Variants in LYPD6 observed in about 807,000 individuals in gnomAD.
LYPD6 encodes the protein LY6/PLAUR domain containing 6.
LYPD6 carries 15 observed loss-of-function variants against 22.7 expected under a neutral mutation model. That is an observed-to-expected ratio of 0.66 (90% CI 0.44 to 1.02). The LOEUF (loss-of-function observed/expected upper bound fraction) is 1.02, where lower values mean the gene tolerates loss of function less well. LYPD6 is among the 50% of genes least tolerant of loss of function. The pLI is 0.00. For synonymous variants in LYPD6, 72 were observed against 77.5 expected, an observed-to-expected ratio of 0.93 and a Z score of 0.37; for missense variants, 189 against 208.4, an observed-to-expected ratio of 0.91 and a Z score of 0.57.
downstream of LYPD6, among the ~76,000 whole-genome samples, chr2:149,475,797 C>G (rs1288976079): frequency 2.0e-5 from 3 of 152,136 alleles, no homozygotes; most frequent in South Asian, 6.2e-4. Flanking sequence ...TACCTTGCTT[C>G]GGTTAATCAG....
At chr2:149,404,781 G>C (rs1416806336) in intron 1 of LYPD6, among the ~76,000 whole-genome samples, 2 of 152,192 alleles carry the variant, frequency 1.3e-5, no homozygotes. Context: ...TTGAATAGGA[G>C]TGGTGAGAGA....
intron 1 of LYPD6, among the ~76,000 whole-genome samples, chr2:149,377,657 A>G (rs147344753): frequency 1.1e-4 from 17 of 152,220 alleles, no homozygotes; most frequent in African/African-American, 3.4e-4. Flanking sequence ...GCACACACCT[A>G]TAGTTCCAGC....
the LYPD6 span, among the ~76,000 whole-genome samples, chr2:149,481,876 A>G: frequency 1.3e-5 from 2 of 152,232 alleles, no homozygotes; most frequent in African/African-American, 4.8e-5. Flanking sequence ...CATAAATATA[A>G]TAAATGGTTA....
chr2:149,468,837 G>T, intron 4 of LYPD6, 62 bp downstream of exon 4: 3 of 1,573,586 alleles, frequency 1.9e-6, no homozygotes, highest in Non-Finnish European at 1.7e-6. Context: ...TCAGACATCT[G>T]CCAGTACTCA....
chr2:149,412,080 C>T (rs1573785718), intron 1 of LYPD6, among the ~76,000 whole-genome samples: 1 of 152,080 alleles, frequency 6.6e-6, no homozygotes, highest in Non-Finnish European at 1.5e-5. Context: ...TCTTGACACA[C>T]TTTTGAAATT....
chr2:149,419,547 G>A (rs1683034226), intron 1 of LYPD6, among the ~76,000 whole-genome samples: 1 of 152,194 alleles, frequency 6.6e-6, no homozygotes, highest in African/African-American at 2.4e-5. Flanking sequence ...AAATCGGACA[G>A]CATTGACATA....
chr2:149,383,391 G>A (rs1351060646), intron 1 of LYPD6, among the ~76,000 whole-genome samples: 7 of 152,090 alleles, frequency 4.6e-5, no homozygotes, highest in East Asian at 1.9e-4. Flanking sequence ...GGGGGGTAGG[G>A]TGATTGCTTT....
At chr2:149,468,562 A>G (rs1364042874) in intron 3 of LYPD6, 83 bp from the exon 4 acceptor site, 7 of 1,477,482 alleles carry the variant, frequency 4.7e-6, no homozygotes, top group Admixed American at 1.8e-5. Context: ...TTCTGGAATG[A>G]TAATGCTGAC....
At chr2:149,362,502 G>C (rs1681590958) in intron 1 of LYPD6, among the ~76,000 whole-genome samples, 2 of 152,154 alleles carry the variant, frequency 1.3e-5, no homozygotes, top group African/African-American at 4.8e-5. Context: ...TGTTTGTTCA[G>C]ATTCTGCCCA....
intron 1 of LYPD6, among the ~76,000 whole-genome samples, chr2:149,393,464 A>G (rs536417380): frequency 3.3e-5 from 5 of 152,318 alleles, no homozygotes; most frequent in Admixed American, 6.5e-5. Flanking sequence ...ATACATTTTG[A>G]AAGTAAATAG....
chr2:149,366,464 T>C (rs192864041), intron 1 of LYPD6, among the ~76,000 whole-genome samples: 1 of 152,286 alleles, frequency 6.6e-6, no homozygotes, highest in East Asian at 1.9e-4. Context: ...GAGCCCCAGG[T>C]AGCTTCTGTT....
In LYPD6 at chr2:149,470,949, A is replaced by T; in HGVS notation, c.*99A>T. ...GCCTGACAGTAATTACACATGTGAG[A>T]CACAACACTCTTGGAGGTCATCACA... On this transcript the variant is annotated 3_prime_UTR_variant, in exon 5 of 5. Coordinates refer to ENST00000334166, the MANE Select transcript of LYPD6 (RefSeq NM_194317.5). 1 of 1,109,490 alleles carries T rather than the reference A, an allele frequency of 9.0e-7. No homozygotes were observed. Among genetic ancestry groups the T allele is most frequent in the South Asian group, 1.6e-5 (1 of 63,510 alleles). 68.7% of individuals were successfully genotyped at this position (1,109,490 alleles called of 1,614,324 possible).
At chr2:149,415,585 A>G (rs1163902135) in intron 1 of LYPD6, among the ~76,000 whole-genome samples, 1 of 152,018 alleles carries the variant, frequency 6.6e-6, no homozygotes, top group Non-Finnish European at 1.5e-5. Flanking sequence ...TGCAGGTCTC[A>G]CCCTTAACGA....
chr2:149,358,186 G>A (rs1256732290), intron 1 of LYPD6, among the ~76,000 whole-genome samples: 1 of 152,072 alleles, frequency 6.6e-6, no homozygotes, highest in Non-Finnish European at 1.5e-5. Context: ...CCTATAAATG[G>A]ATTTTGAAGA....
intron 1 of LYPD6, among the ~76,000 whole-genome samples, chr2:149,401,326 A>C (rs1486292242): frequency 2.0e-5 from 3 of 152,202 alleles, no homozygotes; most frequent in Non-Finnish European, 2.9e-5. Flanking sequence ...GCCACCCTGA[A>C]CAAAATTTTT....
intron 1 of LYPD6, among the ~76,000 whole-genome samples, chr2:149,357,270 T>C (rs1681466917): frequency 6.6e-6 from 1 of 152,212 alleles, no homozygotes; most frequent in African/African-American, 2.4e-5. Flanking sequence ...GTGATTTGTT[T>C]GCATTATGAT....
At chr2:149,413,157 CTG>C (rs1682889479) in intron 1 of LYPD6, among the ~76,000 whole-genome samples, 1 of 152,138 alleles carries the variant, frequency 6.6e-6, no homozygotes, top group South Asian at 2.1e-4. Flanking sequence ...CCAAGGGAAA[CTG>C]AGGATATTTG....
At chr2:149,372,141 C>CCTT (rs912529624) in intron 1 of LYPD6, among the ~76,000 whole-genome samples, 3 of 152,128 alleles carry the variant, frequency 2.0e-5, no homozygotes, top group African/African-American at 7.2e-5. Context: ...GATTTGTCAG[C>CCTT]CTTCTTCCTG....
intron 2 of LYPD6, among the ~76,000 whole-genome samples, chr2:149,444,310 A>G (rs1330379720): frequency 6.6e-6 from 1 of 152,144 alleles, no homozygotes; most frequent in East Asian, 1.9e-4. Flanking sequence ...GTGAGTTACA[A>G]TCTTTTTGCT....
Sources: gnomAD v4.1 joint callset for allele counts (sites outside exome capture counted in the v4.1 genomes callset) on GRCh38, gnomAD v4.1.1 for gene constraint, MANE v1.5 for transcripts, NCBI Gene and HGNC (gene_info 2026-07-23, HGNC 2026-07-21) for gene names.